TCF20: variants seen among roughly 807,000 people sequenced by gnomAD.
TCF20 encodes the protein transcription factor 20.
TCF20 carries 3 observed loss-of-function variants against 148.6 expected under a neutral mutation model. That is an observed-to-expected ratio of 0.02 (90% CI 0.01 to 0.05). The LOEUF (loss-of-function observed/expected upper bound fraction) is 0.05, where lower values mean the gene tolerates loss of function less well. Ranked by LOEUF, TCF20 falls within the 10% of genes least tolerant of loss-of-function variation. The pLI, the probability that TCF20 is intolerant of heterozygous loss-of-function variation, is 1.00. For synonymous variants in TCF20, 1,049 were observed against 909.5 expected (o/e 1.15, Z -2.76); for missense variants, 2,350 against 2,429.3 (o/e 0.97, Z 0.69).
At chr22:42,232,550 G>C (rs1015935930) in intron 1 of TCF20, among the ~76,000 whole-genome samples, 2 of 152,130 alleles carry the variant, frequency 1.3e-5, no homozygotes, top group African/African-American at 4.8e-5. Flanking sequence ...TCGATCGGCC[G>C]GGCGCAGTGG....
chr22:42,273,687 CT>C (rs1926705293), upstream of TCF20, among the ~76,000 whole-genome samples: 1 of 151,678 alleles, frequency 6.6e-6, no homozygotes, highest in Non-Finnish European at 1.5e-5. Context: ...TTTTTTCCCC[CT>C]CCCTCCTAAC....
At chr22:42,257,705 T>C (rs1347627342) in intron 1 of TCF20, among the ~76,000 whole-genome samples, 1 of 152,168 alleles carries the variant, frequency 6.6e-6, no homozygotes, top group Non-Finnish European at 1.5e-5. Context: ...AATCTTATGT[T>C]GATATACCCA....
chr22:42,197,629 G>A (rs533990487), intron 2 of TCF20, among the ~76,000 whole-genome samples: 1 of 152,292 alleles, frequency 6.6e-6, no homozygotes, highest in South Asian at 2.1e-4. Flanking sequence ...GCTGGGATGA[G>A]AAACTTTTTA....
At chr22:42,209,274 T>A (rs1920922747) in intron 2 of TCF20, among the ~76,000 whole-genome samples, 1 of 152,196 alleles carries the variant, frequency 6.6e-6, no homozygotes, top group African/African-American at 2.4e-5. Context: ...GAAATGGGAT[T>A]CAGGAAACAG....
At chr22:42,226,642 T>C (rs1922925673) in intron 1 of TCF20, among the ~76,000 whole-genome samples, 2 of 151,990 alleles carry the variant, frequency 1.3e-5, no homozygotes, top group Admixed American at 6.6e-5. Flanking sequence ...GAGGTGGAGG[T>C]TGCAGTGAGC....
intron 2 of TCF20, among the ~76,000 whole-genome samples, chr22:42,197,734 A>C (rs915016902): frequency 1.3e-5 from 2 of 152,274 alleles, no homozygotes; most frequent in Admixed American, 1.3e-4. Context: ...TATGAGAAAT[A>C]GGTACAGAAA....
intron 2 of TCF20, among the ~76,000 whole-genome samples, chr22:42,201,180 C>T (rs1404056290): frequency 1.3e-5 from 2 of 152,230 alleles, no homozygotes; most frequent in East Asian, 3.8e-4. Flanking sequence ...TTTCCTGAGG[C>T]CTCCCCAGAA....
chr22:42,336,859 C>A (rs775603327), intron 1 of TCF20, among the ~76,000 whole-genome samples: 1 of 152,196 alleles, frequency 6.6e-6, no homozygotes, highest in Non-Finnish European at 1.5e-5. Context: ...AGAGACCTCT[C>A]CAGAGGACCC....
chr22:42,325,771 C>T (rs1927864466), intron 1 of TCF20, among the ~76,000 whole-genome samples: 1 of 152,174 alleles, frequency 6.6e-6, no homozygotes, highest in South Asian at 2.1e-4. Flanking sequence ...CCGTGGGGAG[C>T]AAGGCACTGC....
Position 42,169,871 on chromosome 22 carries a change from G to A in TCF20, c.5775C>T (p.Phe1925=). 2 of 1,613,512 alleles carry A rather than the reference G, an allele frequency of 1.2e-6. No homozygotes were observed. The highest frequency in any genetic ancestry group is 1.7e-6 in the Non-Finnish European group (2 of 1,180,024). Residue 1925 remains phenylalanine, a synonymous_variant, in exon 4 of 6, where the codon TTC becomes TTT. Transcript: ENST00000677622. The part of the protein sequence containing the change: ...DADCLLHEEN[F]SVRCPKHKPP... ...CCTTGTGCTTAGGGCACCTCACCGA[G>A]AAGTTCTCCTCATGTAGCAAACAAT...
At chr22:42,298,792 G>A (rs750411297) in intron 1 of TCF20, among the ~76,000 whole-genome samples, 46 of 152,240 alleles carry the variant, frequency 3.0e-4, no homozygotes, top group Admixed American at 9.8e-4. Flanking sequence ...ACCACAGCAG[G>A]GATGGGCCAG....
intron 2 of TCF20, among the ~76,000 whole-genome samples, chr22:42,207,415 C>T (rs1182368026): frequency 6.6e-6 from 1 of 152,082 alleles, no homozygotes; most frequent in Non-Finnish European, 1.5e-5. Flanking sequence ...CATATGCTGG[C>T]TGGCTGCCTT....
chr22:42,195,923 A>C (rs1326097422), intron 2 of TCF20, among the ~76,000 whole-genome samples: 1 of 151,104 alleles, frequency 6.6e-6, no homozygotes, highest in Non-Finnish European at 1.5e-5. Flanking sequence ...TTTACCCTGC[A>C]CTGATCACCC....
intron 1 of TCF20, among the ~76,000 whole-genome samples, chr22:42,234,955 A>G (rs952618902): frequency 8.5e-5 from 13 of 152,138 alleles, no homozygotes; most frequent in South Asian, 2.1e-4. Context: ...CCTGGCCAAC[A>G]TGGTGAAACC....
intron 1 of TCF20, among the ~76,000 whole-genome samples, chr22:42,310,610 G>A (rs997823230): frequency 1.3e-5 from 2 of 150,942 alleles, no homozygotes; most frequent in Admixed American, 6.6e-5. Context: ...TCGTGGAAGT[G>A]GCAGCCCGCA....
chr22:42,307,862 ACGGCCAGCTGGACAC>A (rs1391650231), intron 1 of TCF20, among the ~76,000 whole-genome samples: 1 of 152,150 alleles, frequency 6.6e-6, no homozygotes, highest in Non-Finnish European at 1.5e-5. Context: ...TCCAGCTTGG[ACGGCCAGCTGGACAC>A]CGGCCTCCTG....
chr22:42,289,132 C>T (rs1401896954), intron 1 of TCF20, among the ~76,000 whole-genome samples: 48 of 152,234 alleles, frequency 3.2e-4, no homozygotes, highest in Admixed American at 3.1e-3. Context: ...CCACCAGTTT[C>T]ACCTGGTCTC....
chr22:42,242,780 G>A (rs925099074), intron 1 of TCF20, among the ~76,000 whole-genome samples: 5 of 152,008 alleles, frequency 3.3e-5, no homozygotes, highest in African/African-American at 1.2e-4. Flanking sequence ...CCAGCTACAC[G>A]GGAGACTGAG....
intron 1 of TCF20, among the ~76,000 whole-genome samples, chr22:42,242,218 A>ACAAAAAAAAAC (rs1555942525): frequency 6.3e-5 from 9 of 142,694 alleles, no homozygotes; most frequent in South Asian, 2.2e-4. Context: ...AAAAAAAAAA[A>ACAAAAAAAAAC]AAAAAAAAAC....
Sources: allele counts gnomAD v4.1 joint callset (sites outside exome capture counted in the v4.1 genomes callset), GRCh38; gene constraint gnomAD v4.1.1; transcripts MANE v1.5; gene names NCBI Gene and HGNC (gene_info 2026-07-23, HGNC 2026-07-21).